Variants in CNBD1 observed in about 807,000 individuals in gnomAD.
CNBD1 encodes the protein cyclic nucleotide-binding domain-containing protein 1.
CNBD1 carries 71 observed loss-of-function variants against 54.4 expected under a neutral mutation model. The ratio of observed to expected loss-of-function variants is 1.30; its 90% CI spans 1.08 to 1.59. CNBD1 has a LOEUF of 1.59. Ranked by LOEUF, CNBD1 falls within the 40% of genes most tolerant of loss-of-function variation. The probability of loss-of-function intolerance (pLI) is 0.00; values close to 1 mark genes in which losing one functional copy is unlikely to be tolerated. For synonymous variants in CNBD1, 182 were observed against 170.7 expected, an observed-to-expected ratio of 1.07 and a Z score of -0.51; for missense variants, 659 against 518.0, an observed-to-expected ratio of 1.27 and a Z score of -2.64.
chr8:87,406,361 A>T (rs939854655), intron 2 of CNBD1, among the ~76,000 whole-genome samples: 14 of 151,970 alleles, frequency 9.2e-5, no homozygotes, highest in Admixed American at 7.9e-4. Context: ...AACCACAGTA[A>T]ATTCTCAATG....
At chr8:87,150,847 T>C (rs1812588553) in intron 4 of CNBD1, among the ~76,000 whole-genome samples, 1 of 152,160 alleles carries the variant, frequency 6.6e-6, no homozygotes, top group Non-Finnish European at 1.5e-5. Context: ...AGCTCTTGGG[T>C]GCTTGAGAAG....
At chr8:87,403,216 T>C (rs998148641) in intron 2 of CNBD1, among the ~76,000 whole-genome samples, 28 of 152,180 alleles carry the variant, frequency 1.8e-4, no homozygotes, top group African/African-American at 6.0e-4. Context: ...TTGAGACCCA[T>C]TATTAAACAC....
chr8:86,976,482 G>C (rs1406352613), intron 4 of CNBD1, among the ~76,000 whole-genome samples: 2 of 151,792 alleles, frequency 1.3e-5, no homozygotes, highest in Non-Finnish European at 2.9e-5. Context: ...TTATTAAAGA[G>C]ACCTTCCTTT....
intron 3 of CNBD1, among the ~76,000 whole-genome samples, chr8:86,915,047 T>C (rs2131818673): frequency 6.6e-6 from 1 of 152,330 alleles, no homozygotes; most frequent in East Asian, 1.9e-4. Context: ...GTTGTATTAT[T>C]ACTCAAATCA....
intron 4 of CNBD1, among the ~76,000 whole-genome samples, chr8:87,082,432 A>G (rs1586243675): frequency 6.6e-6 from 1 of 152,196 alleles, no homozygotes; most frequent in East Asian, 1.9e-4. Flanking sequence ...CTCTCTTCAC[A>G]GGGATGTGCA....
intron 6 of CNBD1, among the ~76,000 whole-genome samples, chr8:87,256,002 TATATATA>T (rs1808006958): frequency 5.1e-4 from 9 of 17,756 alleles, no homozygotes; most frequent in African/African-American, 1.3e-3. Context: ...TATATATATA[TATATATA>T]TATATATTTT....
downstream of CNBD1, chr8:87,382,943 G>T (rs992990087): frequency 9.3e-6 from 2 of 214,848 alleles, no homozygotes; most frequent in East Asian, 9.2e-5. Flanking sequence ...ATATGTAAAT[G>T]TTTATATGAC....
chr8:87,075,807 T>G (rs1810857011), intron 4 of CNBD1, among the ~76,000 whole-genome samples: 2 of 152,332 alleles, frequency 1.3e-5, no homozygotes, highest in Admixed American at 6.5e-5. Flanking sequence ...ATTTTTGTTT[T>G]TAATAGCTCT....
At chr8:87,095,631 C>T (rs1811301194) in intron 4 of CNBD1, among the ~76,000 whole-genome samples, 1 of 152,188 alleles carries the variant, frequency 6.6e-6, no homozygotes, top group Admixed American at 6.5e-5. Flanking sequence ...CAATTATTAG[C>T]ATCTGAATGA....
At position 87,327,089 on chromosome 8, in the gene CNBD1, G is replaced by A. The variant is rs1263307005; in HGVS notation, c.1043-24596G>A. The stretch of plus-strand genomic sequence containing the variant: ...TGTGAGGTGTCAGTGTGCCCCTGCT[G>A]GGGGGTGCCTCCCAGTTAGGCTGCT... On this transcript the variant is annotated intron_variant, in intron 8 of 10. Coordinates refer to ENST00000518476, the MANE Select transcript of CNBD1 (RefSeq NM_173538.3). Among the ~76,000 whole-genome samples the A allele has an allele frequency of 9.9e-3, 1,466 of 148,070 alleles. 35 individuals carry two copies. The highest frequency in any genetic ancestry group is 0.034 in the African/African-American group (1,375 of 39,920).
At chr8:87,309,680 T>A (rs1809225075) in intron 8 of CNBD1, among the ~76,000 whole-genome samples, 1 of 152,136 alleles carries the variant, frequency 6.6e-6, no homozygotes, top group Non-Finnish European at 1.5e-5. Flanking sequence ...TATGAATAAC[T>A]ATATCTACAT....
intron 9 of CNBD1, among the ~76,000 whole-genome samples, chr8:87,352,770 G>T (rs958100896): frequency 6.6e-6 from 1 of 152,096 alleles, no homozygotes; most frequent in Non-Finnish European, 1.5e-5. Flanking sequence ...ATCATTAGTT[G>T]GTCAGGGAGA....
At chr8:86,921,798 T>C (rs1809279440) in intron 3 of CNBD1, among the ~76,000 whole-genome samples, 1 of 152,146 alleles carries the variant, frequency 6.6e-6, no homozygotes, top group African/African-American at 2.4e-5. Flanking sequence ...AGCCAAACTA[T>C]GTCAAATAAC....
chr8:87,162,388 C>A (rs1216916818), intron 4 of CNBD1, among the ~76,000 whole-genome samples: 1 of 151,938 alleles, frequency 6.6e-6, no homozygotes, highest in Admixed American at 6.6e-5. Flanking sequence ...CTGCTCTCAC[C>A]ATTTTAAATA....
At chr8:86,917,827 AT>A (rs1469014040) in intron 3 of CNBD1, among the ~76,000 whole-genome samples, 5 of 152,244 alleles carry the variant, frequency 3.3e-5, no homozygotes, top group African/African-American at 9.6e-5. Context: ...CCAGAAAAAG[AT>A]ATGAAATTTA....
intron 6 of CNBD1, among the ~76,000 whole-genome samples, chr8:87,255,186 CA>C (rs34613204): frequency 6.6e-6 from 1 of 150,878 alleles, no homozygotes; most frequent in African/African-American, 2.4e-5. Flanking sequence ...TATGGATTTG[CA>C]AAAAAAAGTC....
chr8:87,148,800 C>T (rs954928736), intron 4 of CNBD1, among the ~76,000 whole-genome samples: 1 of 152,038 alleles, frequency 6.6e-6, no homozygotes, highest in Non-Finnish European at 1.5e-5. Context: ...TAAATTTGAG[C>T]CTATATTTTC....
chr8:87,425,753 A>G (rs1808034862), intron 2 of CNBD1, among the ~76,000 whole-genome samples: 1 of 151,920 alleles, frequency 6.6e-6, no homozygotes, highest in Non-Finnish European at 1.5e-5. Context: ...AAGTCTGCAG[A>G]GGTTACTGCT....
intron 2 of CNBD1, among the ~76,000 whole-genome samples, chr8:87,411,428 T>TATATA (rs1807745518): frequency 6.2e-5 from 3 of 48,712 alleles, no homozygotes; most frequent in Non-Finnish European, 1.2e-4. Flanking sequence ...ATATATATAT[T>TATATA]TCATTCACAC....
Sources: gnomAD v4.1 joint callset for allele counts (sites outside exome capture counted in the v4.1 genomes callset) on GRCh38, gnomAD v4.1.1 for gene constraint, MANE v1.5 for transcripts, NCBI Gene and HGNC (gene_info 2026-07-23, HGNC 2026-07-21) for gene names.